ZP3: variants seen among roughly 807,000 people sequenced by gnomAD.
ZP3 encodes the protein zona pellucida sperm-binding protein 3.
ZP3 carries 21 observed loss-of-function variants against 35.6 expected under a neutral mutation model. The ratio of observed to expected loss-of-function variants is 0.59; its 90% CI spans 0.42 to 0.85. The LOEUF (loss-of-function observed/expected upper bound fraction) is 0.85. Ranked by LOEUF, ZP3 falls within the 40% of genes least tolerant of loss-of-function variation. The pLI is 0.00. For synonymous variants in ZP3, 207 were observed against 214.5 expected (o/e 0.96, Z 0.31); for missense variants, 437 against 536.5 (o/e 0.81, Z 1.83).
intron 1 of ZP3, among the ~76,000 whole-genome samples, chr7:76,412,870 T>C (rs1423811534): frequency 6.6e-6 from 1 of 150,892 alleles, no homozygotes; most frequent in Non-Finnish European, 1.5e-5. Context: ...AAAAAAAAGA[T>C]GTAAACATTG....
intron 1 of ZP3, among the ~76,000 whole-genome samples, chr7:76,413,848 G>T (rs1434222837): frequency 6.6e-6 from 1 of 151,870 alleles, no homozygotes; most frequent in Non-Finnish European, 1.5e-5. Context: ...TGTATTTTTT[G>T]AAGAGACAAA....
At chr7:76,421,592 C>CAT (rs1267905895), upstream of ZP3, among the ~76,000 whole-genome samples, 3 of 151,550 alleles carry the variant, frequency 2.0e-5, no homozygotes, top group Middle Eastern at 6.8e-3. Context: ...TATACACACA[C>CAT]ATATATATGT....
chr7:76,436,018 G>GC lies in ZP3; in HGVS notation c.831+1869dup, dbSNP rs1372322345. On this transcript the variant is annotated intron_variant, in intron 5 of 7. Transcript: ENST00000394857. ...GGATTATAGGCATGAACCACCACGC[G>GC]CCCCCCGCCCCCTTTTTTTTTTTTT... Among the ~76,000 whole-genome samples the GC allele has an allele frequency of 1.3e-3, 134 of 105,828 alleles. 4 individuals carry two copies. Among genetic ancestry groups the GC allele is most frequent in the African/African-American group, 4.8e-3 (121 of 25,058 alleles). 69.4% of individuals were successfully genotyped at this position (105,828 alleles called of 152,430 possible).
intron 5 of ZP3, among the ~76,000 whole-genome samples, chr7:76,436,741 AGG>A (rs1296174312): frequency 2.4e-4 from 37 of 152,248 alleles, no homozygotes; most frequent in Non-Finnish European, 5.9e-5. Context: ...ATAGCTCCTT[AGG>A]GGAGAGGATC....
intron 1 of ZP3, among the ~76,000 whole-genome samples, chr7:76,418,112 G>A (rs933855982): frequency 1.3e-5 from 2 of 151,204 alleles, no homozygotes; most frequent in African/African-American, 4.9e-5. Flanking sequence ...CTAATTTTTT[G>A]TGTTTTTAGC....
intron 1 of ZP3, chr7:76,401,167 C>T: frequency 7.7e-7 from 1 of 1,301,832 alleles, no homozygotes; most frequent in South Asian, 1.6e-5. Context: ...CTTCAGTACC[C>T]CTGCTTTGCC....
At chr7:76,422,107 G>A (rs1805516830), upstream of ZP3, among the ~76,000 whole-genome samples, 1 of 151,966 alleles carries the variant, frequency 6.6e-6, no homozygotes, top group Non-Finnish European at 1.5e-5. Context: ...TATTGGCTTA[G>A]GCTGGTCTCG....
At chr7:76,416,927 CAT>C (rs1404818362) in intron 1 of ZP3, among the ~76,000 whole-genome samples, 1 of 126,412 alleles carries the variant, frequency 7.9e-6, no homozygotes, top group Non-Finnish European at 1.6e-5. Context: ...TATATATACA[CAT>C]ACATATGTAT....
intron 1 of ZP3, chr7:76,400,919 G>A (rs574793996): frequency 6.6e-7 from 1 of 1,511,400 alleles, no homozygotes; most frequent in East Asian, 2.5e-5. Context: ...AGGGGGGCTG[G>A]TTAGTCATCA....
At chr7:76,410,552 A>G (rs1266397658) in intron 1 of ZP3, among the ~76,000 whole-genome samples, 1 of 151,970 alleles carries the variant, frequency 6.6e-6, no homozygotes, top group Non-Finnish European at 1.5e-5. Flanking sequence ...CTGAGGATCA[A>G]ACAAATTGGG....
At chr7:76,397,836 G>A in intron 1 of ZP3, 2 of 1,556,854 alleles carry the variant, frequency 1.3e-6, no homozygotes, top group East Asian at 4.7e-5. Context: ...CCCTCACCTG[G>A]GGATGGGGGC....
intron 1 of ZP3, among the ~76,000 whole-genome samples, chr7:76,403,080 G>T (rs1804881180): frequency 1.3e-5 from 2 of 152,148 alleles, no homozygotes; most frequent in Non-Finnish European, 1.5e-5. Flanking sequence ...CTTACTCAGG[G>T]CCACGTAGCA....
rs370562933 is a variant in ZP3 at position 76,413,023 on chromosome 7, T to C, written c.-66-12029T>C. 7.6e-5 allele frequency among the ~76,000 whole-genome samples: 11 copies of C among 144,150 alleles called. No homozygotes were observed. The East Asian group carries it at 2.3e-3, about 31-fold the overall frequency. The allele number at this position is 144,150 out of a possible 152,430, so 94.6% of individuals were successfully genotyped here. On this transcript the variant is annotated intron_variant, in intron 1 of 8. Transcript: ENST00000336517. Reference sequence around the variant, plus strand: ...TGTTGCCCAGGCTGGAGTGCAATGATGTGATCTCGGTTCACTGCAACCTGT... The same window carrying C: ...TGTTGCCCAGGCTGGAGTGCAATGACGTGATCTCGGTTCACTGCAACCTGT...
chr7:76,432,488 T>C (rs939696522), intron 2 of ZP3, among the ~76,000 whole-genome samples: 5 of 151,980 alleles, frequency 3.3e-5, no homozygotes, highest in Non-Finnish European at 7.4e-5. Context: ...CTGGCCTCTT[T>C]TCTTTTTTAT....
intron 4 of ZP3, 159 bp downstream of exon 4, chr7:76,433,806 C>G (rs956591136): frequency 9.8e-7 from 1 of 1,021,846 alleles, no homozygotes; most frequent in Non-Finnish European, 1.4e-6. Context: ...TTAAGTGATT[C>G]TCCTGCCTCA....
intron 1 of ZP3, among the ~76,000 whole-genome samples, chr7:76,412,726 G>A (rs111400095): frequency 0.12 from 17,773 of 151,802 alleles, 2,614 homozygotes; most frequent in African/African-American, 0.35. Context: ...GCGCATGCCT[G>A]TAATCCCAGC....
chr7:76,429,404 C>T, intron 1 of ZP3, 111 bp from the exon 2 acceptor site: 1 of 1,002,204 alleles, frequency 1.0e-6, no homozygotes. Flanking sequence ...GGCCTTGACC[C>T]TGTGGTCTTT....
chr7:76,409,253 G>A (rs751089697), intron 1 of ZP3, among the ~76,000 whole-genome samples: 2 of 151,924 alleles, frequency 1.3e-5, no homozygotes, highest in African/African-American at 4.8e-5. Flanking sequence ...GGGCTTGGGA[G>A]ATTAACAAGG....
intron 2 of ZP3, among the ~76,000 whole-genome samples, chr7:76,432,514 C>A (rs1375494714): frequency 6.6e-6 from 1 of 152,030 alleles, no homozygotes; most frequent in South Asian, 2.1e-4. Flanking sequence ...TAGAGTCTTG[C>A]TATGTTGTCC....
Sources: allele counts gnomAD v4.1 joint callset (sites outside exome capture counted in the v4.1 genomes callset), GRCh38; gene constraint gnomAD v4.1.1; transcripts MANE v1.5; gene names NCBI Gene and HGNC (gene_info 2026-07-23, HGNC 2026-07-21).